The following LARP1B variants were observed in gnomAD, a reference collection of about 807,000 sequenced individuals.
LARP1B encodes la-related protein 1B.
LARP1B carries 76 observed loss-of-function variants against 114.2 expected under a neutral mutation model. That is an observed-to-expected ratio of 0.67 (90% CI 0.55 to 0.81). The LOEUF is 0.81. Ranked by LOEUF, LARP1B falls within the 30% of genes least tolerant of loss-of-function variation. LARP1B has a pLI of 0.00. For missense variants in LARP1B, 1,014 were observed against 1,075.8 expected (o/e 0.94, Z 0.80); for synonymous variants, 345 against 348.0 (o/e 0.99, Z 0.10).
chr4:128,183,145 A>G (rs1749133163), intron 15 of LARP1B, among the ~76,000 whole-genome samples: 1 of 152,206 alleles, frequency 6.6e-6, no homozygotes, highest in Non-Finnish European at 1.5e-5. Context: ...AAGTGGCTAC[A>G]TTTCTGCAGG....
intron 11 of LARP1B, among the ~76,000 whole-genome samples, chr4:128,135,425 T>G (rs1283113079): frequency 6.6e-6 from 1 of 152,134 alleles, no homozygotes; most frequent in Non-Finnish European, 1.5e-5. Flanking sequence ...TCTAGGCATA[T>G]ATCCAAAAAA....
intron 9 of LARP1B, chr4:128,107,713 T>C: frequency 6.9e-7 from 1 of 1,451,342 alleles, no homozygotes; most frequent in South Asian, 1.5e-5. Flanking sequence ...CAATACGCTT[T>C]AATCTTGTCT....
intron 17 of LARP1B, among the ~76,000 whole-genome samples, chr4:128,204,442 A>G (rs957505683): frequency 6.6e-6 from 1 of 151,810 alleles, no homozygotes; most frequent in Non-Finnish European, 1.5e-5. Flanking sequence ...ATCACATGAC[A>G]TTAGGAGTTC....
intron 11 of LARP1B, chr4:128,123,517 A>G (rs1347424646): frequency 2.2e-6 from 1 of 463,060 alleles, no homozygotes; most frequent in East Asian, 1.5e-4. Context: ...ATCATTATCT[A>G]TAATTCTATA....
intron 11 of LARP1B, among the ~76,000 whole-genome samples, chr4:128,140,196 A>G (rs1227926676): frequency 6.6e-6 from 1 of 152,164 alleles, no homozygotes; most frequent in African/African-American, 2.4e-5. Context: ...GGCTGGCACT[A>G]CCCTGGAGGA....
At chr4:128,167,784 T>C (rs1741788176) in intron 12 of LARP1B, among the ~76,000 whole-genome samples, 1 of 152,096 alleles carries the variant, frequency 6.6e-6, no homozygotes, top group African/African-American at 2.4e-5. Flanking sequence ...CATGCCTCTT[T>C]GTATTCAACC....
At chr4:128,169,310 A>G (rs1204089541) in intron 12 of LARP1B, among the ~76,000 whole-genome samples, 1 of 151,280 alleles carries the variant, frequency 6.6e-6, no homozygotes, top group Non-Finnish European at 1.5e-5. Context: ...GGAAGCTTAG[A>G]TCATTTATTT....
Position 128,107,510 on chromosome 4 carries a change from G to A in LARP1B, c.988+197G>A, listed in dbSNP as rs1782517591. The A allele has an allele frequency of 2.1e-6, 3 of 1,405,144 alleles. 1 individual carries two copies. In the African/African-American group the frequency reaches 4.3e-5, roughly 20 times the overall value. 87.0% of individuals were successfully genotyped at this position (1,405,144 alleles called of 1,614,324 possible). On this transcript the variant is annotated intron_variant, in intron 9 of 19. Coordinates refer to ENST00000326639, the MANE Select transcript of LARP1B (RefSeq NM_018078.4). The stretch of plus-strand genomic sequence containing the variant: ...TTAAATAAGGATTTAAGAATTATGA[G>A]GAAAGCTGTCTTATGTTTCTTGTTC...
At chr4:128,115,694 G>A (rs549164177) in intron 10 of LARP1B, among the ~76,000 whole-genome samples, 12 of 152,228 alleles carry the variant, frequency 7.9e-5, no homozygotes, top group South Asian at 2.1e-4. Context: ...TCGCTCTGTC[G>A]CCCAGGCTGG....
intron 18 of LARP1B, 122 bp downstream of exon 18, chr4:128,206,659 ATTG>A (rs1268662534): frequency 2.8e-6 from 4 of 1,403,704 alleles, no homozygotes; most frequent in Non-Finnish European, 3.7e-6. Flanking sequence ...TCTTCATGCT[ATTG>A]TTGTGTTTCT....
At chr4:128,171,321 G>A (rs1163491881) in intron 12 of LARP1B, among the ~76,000 whole-genome samples, 1 of 152,048 alleles carries the variant, frequency 6.6e-6, no homozygotes, top group African/African-American at 2.4e-5. Flanking sequence ...TGGAGACAGG[G>A]TCTCACTACA....
At chr4:128,105,500 T>G (rs999475272) in intron 8 of LARP1B, among the ~76,000 whole-genome samples, 1 of 152,216 alleles carries the variant, frequency 6.6e-6, no homozygotes, top group Non-Finnish European at 1.5e-5. Context: ...TCTAAAGCTT[T>G]CACCATAGGA....
chr4:128,204,803 C>G (rs1265078073), intron 17 of LARP1B, among the ~76,000 whole-genome samples: 2 of 151,592 alleles, frequency 1.3e-5, no homozygotes, highest in South Asian at 2.1e-4. Flanking sequence ...ATGCCTGTAT[C>G]AAAACATGTC....
intron 9 of LARP1B, among the ~76,000 whole-genome samples, chr4:128,111,268 G>A (rs1166979658): frequency 2.6e-5 from 4 of 151,940 alleles, no homozygotes; most frequent in African/African-American, 4.8e-5. Flanking sequence ...GGCTGGTCTC[G>A]AACTCCTGAC....
At chr4:128,188,851 A>C (rs1751250586) in intron 15 of LARP1B, among the ~76,000 whole-genome samples, 1 of 152,218 alleles carries the variant, frequency 6.6e-6, no homozygotes, top group Non-Finnish European at 1.5e-5. Context: ...TGTTGTAGCC[A>C]GAAAAGATAC....
intron 11 of LARP1B, among the ~76,000 whole-genome samples, chr4:128,147,812 T>C (rs1010967590): frequency 9.9e-5 from 15 of 152,216 alleles, no homozygotes; most frequent in Non-Finnish European, 1.8e-4. Context: ...ATATAATTTA[T>C]AAAGTTTCTA....
chr4:128,143,272 C>T (rs34503080), intron 11 of LARP1B, among the ~76,000 whole-genome samples: 26,314 of 151,768 alleles, frequency 0.17, 3,113 homozygotes, highest in East Asian at 0.51. Context: ...AGCAAGACTC[C>T]GTTTCAAAAA....
At chr4:128,082,879 G>A (rs1295412094) in intron 5 of LARP1B, among the ~76,000 whole-genome samples, 1 of 150,210 alleles carries the variant, frequency 6.7e-6, no homozygotes, top group Non-Finnish European at 1.5e-5. Context: ...GATTTGGCAG[G>A]GTCATAGGAC....
chr4:128,069,019 T>A, intron 1 of LARP1B: 1 of 859,236 alleles, frequency 1.2e-6, no homozygotes, highest in East Asian at 2.6e-5. Context: ...TTATATTGGC[T>A]GTAACGGTGG....
Sources: allele counts gnomAD v4.1 joint callset (sites outside exome capture counted in the v4.1 genomes callset), GRCh38; gene constraint gnomAD v4.1.1; transcripts MANE v1.5; gene names NCBI Gene and HGNC (gene_info 2026-07-23, HGNC 2026-07-21).